Variants in ZNRF3 observed in about 807,000 individuals in gnomAD.
ZNRF3 encodes the protein E3 ubiquitin-protein ligase ZNRF3.
Under a neutral mutation model 72.5 loss-of-function variants are expected in ZNRF3, and 23 were observed. That is an observed-to-expected ratio of 0.32 (90% confidence interval 0.23 to 0.45). ZNRF3 has a LOEUF of 0.45. ZNRF3 is among the 20% of genes least tolerant of loss of function. The pLI, the probability that ZNRF3 is intolerant of heterozygous loss-of-function variation, is 1.00. For missense variants in ZNRF3, 1,169 were observed against 1,272.1 expected (o/e 0.92, Z 1.23); for synonymous variants, 610 against 545.3 (o/e 1.12, Z -1.65).
chr22:29,049,814 G>C lies in ZNRF3; in HGVS notation c.1633G>C (p.Asp545His). 1 of 1,607,818 alleles carries C rather than the reference G, an allele frequency of 6.2e-7. No homozygotes were observed. The change falls in exon 8 of 9, where the codon GAC becomes CAC. Residue 545 changes from aspartate to histidine, a missense_variant. This residue lies in a region of ZNRF3 where 783 missense variants were observed against 731.4 expected (regional missense o/e 1.07). Transcript: ENST00000544604. This position sits in a 1 kb window ranked among gnomAD's most constrained non-coding sequence, Gnocchi z 5.2. ...CTCGGTGTGCAGTGGCTACCTGGCC[G>C]ACTGCCCAGGCAGCGACAGCAGCAG... ...HRSVCSGYLA[D>H]CPGSDSSSSS...
intron 1 of ZNRF3, among the ~76,000 whole-genome samples, chr22:28,965,496 G>T (rs1000460209): frequency 1.2e-4 from 18 of 152,194 alleles, no homozygotes; most frequent in Admixed American, 1.2e-3. Flanking sequence ...CAGGCAGGCT[G>T]TGAGCCTGGG....
intron 1 of ZNRF3, among the ~76,000 whole-genome samples, chr22:28,929,574 GT>G (rs770752344): frequency 1.9e-4 from 29 of 152,200 alleles, no homozygotes; most frequent in Admixed American, 3.3e-4. Flanking sequence ...GAGATTGACT[GT>G]GTTACTGATA....
At chr22:28,943,208 G>T (rs1261940832) in intron 1 of ZNRF3, among the ~76,000 whole-genome samples, 1 of 151,904 alleles carries the variant, frequency 6.6e-6, no homozygotes, top group Non-Finnish European at 1.5e-5. Flanking sequence ...TCCCCCGGGG[G>T]TCCTCCCCCA....
intron 1 of ZNRF3, among the ~76,000 whole-genome samples, chr22:28,954,471 G>T (rs959098076): frequency 4.6e-5 from 7 of 152,140 alleles, no homozygotes; most frequent in African/African-American, 1.7e-4. Context: ...AGTGCATATT[G>T]GGGGAGTTAG....
chr22:28,938,139 A>C (rs1005278714), intron 1 of ZNRF3, among the ~76,000 whole-genome samples: 10 of 151,996 alleles, frequency 6.6e-5, no homozygotes, highest in Non-Finnish European at 1.5e-4. Flanking sequence ...CTACCATCCC[A>C]CTTCCTATAT....
chr22:29,029,844 A>T (rs962120141), intron 2 of ZNRF3, among the ~76,000 whole-genome samples: 1 of 152,128 alleles, frequency 6.6e-6, no homozygotes, highest in African/African-American at 2.4e-5. Flanking sequence ...GGGTGTCCAG[A>T]CTTTGCAGGC....
chr22:28,920,258 G>C (rs1487174856), intron 1 of ZNRF3, among the ~76,000 whole-genome samples: 1 of 147,608 alleles, frequency 6.8e-6, no homozygotes, highest in Non-Finnish European at 1.5e-5. Context: ...GAGCCACCGT[G>C]CCTGGCCTAT....
chr22:28,991,060 T>C (rs955431650), intron 2 of ZNRF3, among the ~76,000 whole-genome samples: 4 of 151,654 alleles, frequency 2.6e-5, no homozygotes, highest in African/African-American at 9.7e-5. Flanking sequence ...GGCGCGCCGA[T>C]TGCATGAGCT....
At chr22:29,039,466 A>T (rs891880965) in intron 2 of ZNRF3, among the ~76,000 whole-genome samples, 3 of 152,158 alleles carry the variant, frequency 2.0e-5, no homozygotes, top group Non-Finnish European at 2.9e-5. Context: ...AAATAAAGGA[A>T]TGAGAGGGGC....
intron 1 of ZNRF3, among the ~76,000 whole-genome samples, chr22:28,895,814 C>A (rs1322044041): frequency 6.6e-6 from 1 of 152,170 alleles, no homozygotes; most frequent in Admixed American, 6.5e-5. Flanking sequence ...GAATGGCATT[C>A]TGCTGCGATG....
At chr22:28,930,767 A>G (rs988409199) in intron 1 of ZNRF3, among the ~76,000 whole-genome samples, 1 of 152,228 alleles carries the variant, frequency 6.6e-6, no homozygotes, top group African/African-American at 2.4e-5. Context: ...TTGAGCACAG[A>G]GCACTTGAGC....
At chr22:29,053,049 C>T (rs980576391) in intron 8 of ZNRF3, among the ~76,000 whole-genome samples, 1 of 152,116 alleles carries the variant, frequency 6.6e-6, no homozygotes, top group Non-Finnish European at 1.5e-5. Context: ...GCTCCTGGTT[C>T]ACTCTCCTTG....
rs530926318 is a variant in ZNRF3, at chr22:29,050,280, C to T, written c.2099C>T (p.Thr700Ile). ...GGGGCCGCCCCTGACCTCAGGAGGA[C>T]CTGGAAGGGGGGCCACGAGTTGCCG... ...SPGAAPDLRRTWKGGHELPSC... is the reference protein window; with the variant it reads ...SPGAAPDLRRIWKGGHELPSC... The change falls in exon 8 of 9, where the codon ACC becomes ATC. Residue 700 changes from threonine (T) to isoleucine (I), a missense_variant. By Grantham distance (89) the Thr-to-Ile change is moderately conservative. This residue lies in a region of ZNRF3 where 783 missense variants were observed against 731.4 expected (regional missense o/e 1.07). Transcript: ENST00000544604. The T allele has an allele frequency of 1.9e-6, 3 of 1,597,740 alleles. No individual in the cohort carries two copies. In the African/African-American group the frequency reaches 4.0e-5, roughly 21 times the overall value.
chr22:28,905,968 T>C lies in ZNRF3; in HGVS notation c.300+21902T>C, dbSNP rs1225114499. On this transcript the variant is annotated intron_variant, in intron 1 of 8. Coordinates refer to ENST00000544604, the MANE Select transcript of ZNRF3 (RefSeq NM_001206998.2). ...GAGCTCAGGACTGTGTCTTATAGCC[T>C]CACCATGAGGTAATTGGAGGCAGGT... Among the ~76,000 whole-genome samples, 10 of 152,218 alleles carry C rather than the reference T, an allele frequency of 6.6e-5. No individual in the cohort carries two copies. In the East Asian group the frequency reaches 1.9e-3, roughly 29 times the overall value.
At chr22:28,893,559 G>GCAATCT (rs2033933623) in intron 1 of ZNRF3, among the ~76,000 whole-genome samples, 2 of 150,804 alleles carry the variant, frequency 1.3e-5, no homozygotes, top group South Asian at 2.1e-4. Context: ...GTGCAGTGGC[G>GCAATCT]TGATCTTGGC....
At chr22:28,974,689 A>G (rs528930280) in intron 1 of ZNRF3, among the ~76,000 whole-genome samples, 5 of 152,178 alleles carry the variant, frequency 3.3e-5, no homozygotes, top group African/African-American at 1.2e-4. Context: ...ACTCTTGTCC[A>G]GGCTGGCGCG....
At chr22:29,003,575 C>G (rs575203585) in intron 2 of ZNRF3, among the ~76,000 whole-genome samples, 1 of 151,650 alleles carries the variant, frequency 6.6e-6, no homozygotes, top group African/African-American at 2.4e-5. Flanking sequence ...ACTGAAGGCT[C>G]GTGCCTGTAA....
chr22:28,986,670 T>A, intron 1 of ZNRF3: 1 of 985,110 alleles, frequency 1.0e-6, no homozygotes, highest in Middle Eastern at 5.2e-4. Flanking sequence ...TGTTGAAGTC[T>A]AGAAGCCAAA....
At chr22:28,933,142 T>C (rs151087045) in intron 1 of ZNRF3, among the ~76,000 whole-genome samples, 1 of 152,208 alleles carries the variant, frequency 6.6e-6, no homozygotes, top group Non-Finnish European at 1.5e-5. Flanking sequence ...TTTAAAAATA[T>C]CATCTAAACT....
Sources: allele counts gnomAD v4.1 joint callset (sites outside exome capture counted in the v4.1 genomes callset), GRCh38; gene constraint gnomAD v4.1.1; regional missense constraint gnomAD v4.1.1; non-coding constraint Gnocchi (gnomAD v3.1); transcripts MANE v1.5; gene names NCBI Gene and HGNC (gene_info 2026-07-23, HGNC 2026-07-21).